Variants in C12orf56 observed in about 807,000 individuals in gnomAD.
C12orf56 encodes uncharacterized protein C12orf56.
C12orf56 carries 71 observed loss-of-function variants against 69.9 expected under a neutral mutation model. The ratio of observed to expected loss-of-function variants is 1.02; its 90% confidence interval spans 0.84 to 1.24. The LOEUF (loss-of-function observed/expected upper bound fraction) is 1.24. C12orf56 is among the 50% of genes most tolerant of loss of function. The probability of loss-of-function intolerance (pLI) is 0.00; values close to 1 mark genes in which losing one functional copy is unlikely to be tolerated. For missense variants in C12orf56, 732 were observed against 738.5 expected, an observed-to-expected ratio of 0.99 and a Z score of 0.10; for synonymous variants, 276 against 274.1, an observed-to-expected ratio of 1.01 and a Z score of -0.07.
chr12:64,327,129 C>T (rs1448650552), intron 3 of C12orf56, among the ~76,000 whole-genome samples: 1 of 152,228 alleles, frequency 6.6e-6, no homozygotes, highest in Non-Finnish European at 1.5e-5. Context: ...AGCAAGAACG[C>T]TCTCAGCAGA....
At chr12:64,279,686 A>T (rs2038098605) in intron 8 of C12orf56, among the ~76,000 whole-genome samples, 2 of 152,198 alleles carry the variant, frequency 1.3e-5, no homozygotes, top group African/African-American at 4.8e-5. Context: ...TCTCCAAGTC[A>T]AAAAGCAAGT....
At chr12:64,358,482 A>AATAATC (rs11275269) in intron 1 of C12orf56, among the ~76,000 whole-genome samples, 18 of 125,948 alleles carry the variant, frequency 1.4e-4, no homozygotes, top group African/African-American at 3.6e-4. Context: ...TAATAATAAT[A>AATAATC]ATCATCATCA....
At chr12:64,286,978 TG>T (rs1273859274) in intron 6 of C12orf56, among the ~76,000 whole-genome samples, 4 of 152,142 alleles carry the variant, frequency 2.6e-5, no homozygotes, top group Non-Finnish European at 5.9e-5. Flanking sequence ...GGCTCATGCC[TG>T]TCAGCCCAGC....
chr12:64,345,538 A>G (rs926749404), intron 2 of C12orf56, among the ~76,000 whole-genome samples: 1 of 152,188 alleles, frequency 6.6e-6, no homozygotes, highest in Non-Finnish European at 1.5e-5. Context: ...TAACTTTAAC[A>G]GTAGACACCT....
chr12:64,304,695 G>T (rs1476429192), intron 5 of C12orf56, among the ~76,000 whole-genome samples: 2 of 152,150 alleles, frequency 1.3e-5, no homozygotes, highest in Non-Finnish European at 2.9e-5. Flanking sequence ...AACAACTTGC[G>T]CTTTACTGGG....
At chr12:64,298,345 A>C (rs2038397582) in intron 6 of C12orf56, among the ~76,000 whole-genome samples, 1 of 152,096 alleles carries the variant, frequency 6.6e-6, no homozygotes, top group Admixed American at 6.6e-5. Flanking sequence ...GTTCACTCTG[A>C]TGATAGTTTC....
chr12:64,282,113 T>C (rs114191882), intron 8 of C12orf56, among the ~76,000 whole-genome samples: 3,349 of 152,304 alleles, frequency 0.022, 128 homozygotes, highest in African/African-American at 0.077. Flanking sequence ...CTCAGCACTT[T>C]GGGAGGCCAA....
rs560240482 is a variant in C12orf56, at chr12:64,384,820, G to A, written c.252+5494C>T. Among the ~76,000 whole-genome samples the A allele has an allele frequency of 1.3e-3, 196 of 152,268 alleles. 1 individual carries two copies. The highest frequency in any genetic ancestry group is 3.5e-3 in the South Asian group (17 of 4,826). On this transcript the variant is annotated intron_variant, in intron 1 of 12. Transcript: ENST00000543942. Reference sequence around the variant, plus strand: ...TGTAATCCCAGCACTTTGGGAGGCCGAGGTGGGCAGATCGCCTCAGGTTAG... The same window carrying A: ...TGTAATCCCAGCACTTTGGGAGGCCAAGGTGGGCAGATCGCCTCAGGTTAG...
chr12:64,328,696 AAAAAAAAAAAATATATATATATAT>A (rs1285026784), intron 3 of C12orf56, among the ~76,000 whole-genome samples: 195 of 19,384 alleles, frequency 0.01, 4 homozygotes, highest in African/African-American at 0.033. Context: ...AAAAAAAAAA[AAAAAAAAAAAATATATATATATAT>A]ATATATATAT....
chr12:64,265,601 CT>C lies in C12orf56; in HGVS notation c.*1581del, dbSNP rs1290416088. The C allele has an allele frequency of 1.3e-5, 2 of 152,374 alleles. No homozygotes were observed. Among genetic ancestry groups the C allele is most frequent in the East Asian group, 3.9e-4 (2 of 5,186 alleles). The allele number at this position is 152,374 out of a possible 1,614,324, so 9.4% of individuals were successfully genotyped here. On this transcript the variant is annotated 3_prime_UTR_variant, in exon 13 of 13. Coordinates refer to ENST00000543942, the MANE Select transcript of C12orf56 (RefSeq NM_001170633.2). Reference sequence around the variant, plus strand: ...GATGTGGCCTGGAAAGGGGGCCTGACTTGCTTGAAGTCAAATAGCTGGTCAT... The same window carrying C: ...GATGTGGCCTGGAAAGGGGGCCTGACTGCTTGAAGTCAAATAGCTGGTCAT...
chr12:64,274,541 G>A (rs2038027065), intron 11 of C12orf56, among the ~76,000 whole-genome samples: 2 of 152,192 alleles, frequency 1.3e-5, no homozygotes, highest in Admixed American at 6.5e-5. Flanking sequence ...GATGGTGTCT[G>A]TGGGACAGAG....
chr12:64,346,630 G>A lies in C12orf56; in HGVS notation c.415+6264C>T, dbSNP rs180868337. Among the ~76,000 whole-genome samples the A allele has an allele frequency of 4.1e-3, 625 of 152,228 alleles. 4 individuals carry two copies. The highest frequency in any genetic ancestry group is 6.8e-3 in the Non-Finnish European group (462 of 68,014). On this transcript the variant is annotated intron_variant, in intron 2 of 12. Transcript: ENST00000543942. ...AATCTCTAGTCCCTCTCCATCCCAG[G>A]AGGTTAGAGATGTGGGTGGCAGTAG...
At chr12:64,321,524 G>A (rs1056508280) in intron 3 of C12orf56, among the ~76,000 whole-genome samples, 2 of 152,074 alleles carry the variant, frequency 1.3e-5, no homozygotes, top group African/African-American at 4.8e-5. Flanking sequence ...TGTAGAGATG[G>A]GGTCTCACTA....
chr12:64,366,888 A>G (rs1435347274), intron 1 of C12orf56, among the ~76,000 whole-genome samples: 4 of 129,384 alleles, frequency 3.1e-5, no homozygotes, highest in African/African-American at 5.9e-5. Context: ...TATATATTAT[A>G]TAACATACAG....
chr12:64,305,300 A>C (rs2038496772), intron 5 of C12orf56, among the ~76,000 whole-genome samples: 1 of 152,190 alleles, frequency 6.6e-6, no homozygotes, highest in African/African-American at 2.4e-5. Context: ...GGCAAGTTAC[A>C]TAGCTTCTTT....
At chr12:64,384,883 G>A (rs1352760967) in intron 1 of C12orf56, among the ~76,000 whole-genome samples, 9 of 152,014 alleles carry the variant, frequency 5.9e-5, no homozygotes, top group East Asian at 5.8e-4. Flanking sequence ...GTGAAACCCC[G>A]TCTCTACTAA....
intron 6 of C12orf56, among the ~76,000 whole-genome samples, chr12:64,294,107 A>G (rs1213802849): frequency 6.6e-6 from 1 of 152,228 alleles, no homozygotes; most frequent in Admixed American, 6.5e-5. Context: ...ATCACTAGGG[A>G]AATGCAACTC....
Position 64,266,090 on chromosome 12 carries a change from A to C in C12orf56, c.*1093T>G, listed in dbSNP as rs183594239. On this transcript the variant is annotated 3_prime_UTR_variant, in exon 13 of 13. Coordinates refer to ENST00000543942, the MANE Select transcript of C12orf56 (RefSeq NM_001170633.2). ...CTGTGTTCTGCTCATTCTTCCAGGA[A>C]TACTTTTGTCACTAGAATTTGTATA... 3 of 152,380 alleles carry C rather than the reference A, an allele frequency of 2.0e-5. No homozygotes were observed. The highest frequency in any genetic ancestry group is 7.2e-5 in the African/African-American group (3 of 41,592). 9.4% of individuals were successfully genotyped at this position (152,380 alleles called of 1,614,324 possible). A position where few individuals can be genotyped will look rare whatever the true frequency, so the allele number is the denominator to read the frequency against.
In C12orf56 at chr12:64,267,147, T is replaced by G. The variant is rs749719828; in HGVS notation, c.*36A>C. On this transcript the variant is annotated 3_prime_UTR_variant, in exon 13 of 13. Coordinates refer to ENST00000543942, the MANE Select transcript of C12orf56 (RefSeq NM_001170633.2). Reference sequence around the variant, plus strand: ...ATCAAGTTGACTCTTGATTAACATTTTATACTCTTATTAACATTGCGTACA... The same window carrying G: ...ATCAAGTTGACTCTTGATTAACATTGTATACTCTTATTAACATTGCGTACA... The G allele has an allele frequency of 5.6e-5, 80 of 1,430,432 alleles. No individual in the cohort carries two copies. Among genetic ancestry groups the G allele is most frequent in the Non-Finnish European group, 6.8e-5 (71 of 1,043,832 alleles). The allele number at this position is 1,430,432 out of a possible 1,614,324, so 88.6% of individuals were successfully genotyped here. A position where few individuals can be genotyped will look rare whatever the true frequency, so the allele number is the denominator to read the frequency against.
Sources: gnomAD v4.1 joint callset for allele counts (sites outside exome capture counted in the v4.1 genomes callset) on GRCh38, gnomAD v4.1.1 for gene constraint, MANE v1.5 for transcripts, NCBI Gene and HGNC (gene_info 2026-07-23, HGNC 2026-07-21) for gene names.